Variants in MARCO observed in about 807,000 individuals in gnomAD.
The protein encoded by MARCO is macrophage receptor with collagenous structure.
MARCO carries 72 observed loss-of-function variants against 70.0 expected under a neutral mutation model. That is an observed-to-expected ratio of 1.03 (90% CI 0.85 to 1.25). MARCO has a LOEUF of 1.25. Among genes scored for constraint, MARCO ranks in the 50% most tolerant of loss-of-function variants. The pLI is 0.00. For synonymous variants in MARCO, 273 were observed against 243.1 expected, an observed-to-expected ratio of 1.12 and a Z score of -1.14; for missense variants, 696 against 659.3, an observed-to-expected ratio of 1.06 and a Z score of -0.61.
chr2:118,984,621 G>A (rs1405435270), intron 12 of MARCO, among the ~76,000 whole-genome samples: 1 of 152,206 alleles, frequency 6.6e-6, no homozygotes, highest in African/African-American at 2.4e-5. Flanking sequence ...CATCTCAGAG[G>A]GGAATTCCAA....
At chr2:118,969,376 T>A in intron 2 of MARCO, 115 bp downstream of exon 2, 2 of 738,430 alleles carry the variant, frequency 2.7e-6, no homozygotes, top group Non-Finnish European at 4.7e-6. Flanking sequence ...TGCTCCCATC[T>A]GCTGGGAGAC....
intron 1 of MARCO, among the ~76,000 whole-genome samples, chr2:118,957,391 G>C (rs764126580): frequency 1.3e-5 from 2 of 152,066 alleles, no homozygotes; most frequent in Admixed American, 6.6e-5. Context: ...AAACCTAGAA[G>C]AGATGGATAA....
rs144392396 is a variant in MARCO at position 118,979,266 on chromosome 2, A to G, written c.766+1331A>G. Among the ~76,000 whole-genome samples the G allele has an allele frequency of 4.5e-4, 68 of 152,328 alleles. No individual in the cohort carries two copies. The Middle Eastern group carries it at 0.01, about 23-fold the overall frequency. On this transcript the variant is annotated intron_variant, in intron 8 of 16. Transcript: ENST00000327097. ...ACAAGGACCAATGGACTAAGGTTTCAGGAGGACCAATTGTGCTAAGGCAAG... is the reference window on the plus strand; with the variant it reads ...ACAAGGACCAATGGACTAAGGTTTCGGGAGGACCAATTGTGCTAAGGCAAG...
chr2:118,986,549 G>A (rs10171504), intron 12 of MARCO, among the ~76,000 whole-genome samples: 6,730 of 108,764 alleles, frequency 0.062, 1,128 homozygotes, highest in African/African-American at 0.24. Context: ...AGAGAGAGAG[G>A]AAGGAAGGAA....
chr2:118,966,916 T>C (rs913002337), intron 1 of MARCO, among the ~76,000 whole-genome samples: 5 of 152,230 alleles, frequency 3.3e-5, no homozygotes, highest in African/African-American at 7.2e-5. Context: ...GTTGCATGAA[T>C]ACCTGAGGCC....
Position 118,986,651 on chromosome 2 carries a change from AAG to A in MARCO, c.1064-3936_1064-3935del, listed in dbSNP as rs1680500332. 1.4e-4 allele frequency among the ~76,000 whole-genome samples: 7 copies of A among 51,758 alleles called. No individual in the cohort carries two copies. In the Admixed American group the frequency reaches 1.4e-3, roughly 10 times the overall value. The allele number at this position is 51,758 out of a possible 152,430, so 34.0% of individuals were successfully genotyped here. A position where few individuals can be genotyped will look rare whatever the true frequency, so the allele number is the denominator to read the frequency against. Reference sequence around the variant, plus strand: ...AAAGAAAGAAAGAAAGAAAGAAAGAAAGAAGGAAGGAAGGAAGGAAGGAAAGA... The same window carrying A: ...AAAGAAAGAAAGAAAGAAAGAAAGAAAAGGAAGGAAGGAAGGAAGGAAAGA... On this transcript the variant is annotated intron_variant, in intron 12 of 16. Coordinates refer to ENST00000327097, the MANE Select transcript of MARCO (RefSeq NM_006770.4).
At chr2:118,987,146 A>G (rs1680532485) in intron 12 of MARCO, among the ~76,000 whole-genome samples, 1 of 152,218 alleles carries the variant, frequency 6.6e-6, no homozygotes, top group African/African-American at 2.4e-5. Flanking sequence ...TTTCTGTAAA[A>G]ACACTTTGCA....
intron 8 of MARCO, among the ~76,000 whole-genome samples, chr2:118,980,412 C>A (rs1462892761): frequency 6.6e-6 from 1 of 152,208 alleles, no homozygotes; most frequent in African/African-American, 2.4e-5. Context: ...GAATTCACAG[C>A]ACTCAATGCT....
At position 118,978,168 on chromosome 2, in the gene MARCO, C is replaced by T. The variant is rs1992306; in HGVS notation, c.766+233C>T. Among the ~76,000 whole-genome samples, 1,873 of 152,242 alleles carry T rather than the reference C, an allele frequency of 0.012. 93 individuals are homozygous for T. Among genetic ancestry groups the T allele is most frequent in the South Asian group, 0.12 (584 of 4,822 alleles). ...TGACTATGGCAAGCTGGGGCACAGG[C>T]AGTGCTAGGAGCTCAGAGAGGAAGC... On this transcript the variant is annotated intron_variant, in intron 8 of 16. Transcript: ENST00000327097.
chr2:118,972,597 T>A (rs1680194082), intron 4 of MARCO, among the ~76,000 whole-genome samples: 1 of 152,202 alleles, frequency 6.6e-6, no homozygotes, highest in Admixed American at 6.5e-5. Context: ...AAACAATAAA[T>A]GTACACCTCT....
chr2:118,971,200 G>T (rs1558837227), intron 3 of MARCO, among the ~76,000 whole-genome samples: 1 of 152,052 alleles, frequency 6.6e-6, no homozygotes, highest in Non-Finnish European at 1.5e-5. Context: ...AATACGAAGG[G>T]GTTCTACCTC....
At chr2:118,965,531 G>T (rs144811943) in intron 1 of MARCO, among the ~76,000 whole-genome samples, 162 of 152,282 alleles carry the variant, frequency 1.1e-3, no homozygotes, top group African/African-American at 3.3e-3. Flanking sequence ...TTTAACATCT[G>T]TGTCATCTCA....
In MARCO at chr2:118,982,247, G is replaced by A. The variant is rs1225616033; in HGVS notation, c.993G>A (p.Gly331=). The change falls in exon 11 of 17, where the codon GGG becomes GGA. Residue 331 remains glycine (G), a synonymous_variant. Transcript: ENST00000327097. ...AGCCTGGCAGTGCTGGCTCCCCTGG[G>A]CGAGCAGGTGAGGTCCTGGGTCCTA... The part of the protein sequence containing the change: ...KGEPGSAGSP[G]RAGLPGSPGS... 1.2e-6 allele frequency: 2 copies of A among 1,612,848 alleles called. No individual in the cohort carries two copies. Among genetic ancestry groups the A allele is most frequent in the African/African-American group, 1.3e-5 (1 of 74,990 alleles).
intron 3 of MARCO, 56 bp downstream of exon 3, chr2:118,970,394 G>C: frequency 1.5e-6 from 2 of 1,368,060 alleles, no homozygotes; most frequent in Non-Finnish European, 2.0e-6. Flanking sequence ...GGGAGACAGC[G>C]GGATCAGGAA....
chr2:118,973,483 TC>T (rs948861330), intron 4 of MARCO, among the ~76,000 whole-genome samples: 39 of 152,192 alleles, frequency 2.6e-4, no homozygotes, highest in African/African-American at 8.7e-4. Flanking sequence ...TATAGAAGTC[TC>T]GGCTCCTCCT....
chr2:118,993,041 C>A, intron 15 of MARCO, 83 bp from the exon 16 acceptor site: 1 of 1,235,748 alleles, frequency 8.1e-7, no homozygotes, highest in Non-Finnish European at 1.2e-6. Flanking sequence ...CTGTAGAACT[C>A]CAAAATGAAA....
chr2:118,957,317 C>T (rs1035276217), intron 1 of MARCO, among the ~76,000 whole-genome samples: 3 of 151,942 alleles, frequency 2.0e-5, no homozygotes, highest in African/African-American at 7.2e-5. Context: ...ACAACTGACA[C>T]CATTGAAATA....
In MARCO at chr2:118,972,337, G is replaced by A. The variant is rs561097328; in HGVS notation, c.460+803G>A. 1.6e-4 allele frequency among the ~76,000 whole-genome samples: 24 copies of A among 152,230 alleles called. No individual in the cohort carries two copies. In the South Asian group the frequency reaches 4.6e-3, roughly 29 times the overall value. On this transcript the variant is annotated intron_variant, in intron 4 of 16. Coordinates refer to ENST00000327097, the MANE Select transcript of MARCO (RefSeq NM_006770.4). The stretch of plus-strand genomic sequence containing the variant: ...AGGATAAATATACATGCCATTTTTG[G>A]GACAGAATCCTTTGGTCCCATAATA...
At chr2:118,994,215 AAC>A in intron 16 of MARCO, among the ~76,000 whole-genome samples, 170 bp from the exon 17 acceptor site, 1 of 152,142 alleles carries the variant, frequency 6.6e-6, no homozygotes, top group Non-Finnish European at 1.5e-5. Flanking sequence ...CAACAACAAC[AAC>A]AACAAAAACA....
Sources: gnomAD v4.1 joint callset for allele counts (sites outside exome capture counted in the v4.1 genomes callset) on GRCh38, gnomAD v4.1.1 for gene constraint, MANE v1.5 for transcripts, NCBI Gene and HGNC (gene_info 2026-07-23, HGNC 2026-07-21) for gene names.